Variants in CCDC85C observed in about 807,000 individuals in gnomAD.
CCDC85C encodes coiled-coil domain-containing protein 85C.
In CCDC85C, 18 loss-of-function variants were observed where a neutral mutation model predicts 38.3. The ratio of observed to expected loss-of-function variants is 0.47; its 90% confidence interval spans 0.33 to 0.70. The LOEUF (loss-of-function observed/expected upper bound fraction) is 0.70. Ranked by LOEUF, CCDC85C falls within the 30% of genes least tolerant of loss-of-function variation. The pLI is 0.03. For missense variants in CCDC85C, 566 were observed against 621.2 expected, an observed-to-expected ratio of 0.91 and a Z score of 0.94; for synonymous variants, 264 against 293.8, an observed-to-expected ratio of 0.90 and a Z score of 1.04.
In CCDC85C at chr14:99,514,986, G is replaced by A; in HGVS notation, c.*260C>T. 1 of 385,406 alleles carries A rather than the reference G, an allele frequency of 2.6e-6. No homozygotes were observed. Among genetic ancestry groups the A allele is most frequent in the Non-Finnish European group, 4.8e-6 (1 of 207,706 alleles). 23.9% of individuals were successfully genotyped at this position (385,406 alleles called of 1,614,324 possible). On this transcript the variant is annotated 3_prime_UTR_variant, in exon 6 of 6. Transcript: ENST00000380243. ...GGAGCCCAGGGCCCAGAGGGGGAAT[G>A]AGGCGTCCGGGCCGCTCTGCTGCAG...
intron 1 of CCDC85C, among the ~76,000 whole-genome samples, chr14:99,591,162 G>A (rs1196829974): frequency 5.3e-5 from 8 of 152,214 alleles, no homozygotes; most frequent in East Asian, 3.9e-4. Flanking sequence ...CCACCCCACC[G>A]TTTAAAAGCC....
rs551841020 is a variant in CCDC85C, at chr14:99,544,634, C to T, written c.794-8546G>A. ...CCCAGAGCAGAAATTCTCTTCGTGA[C>T]GCAAGGTGACTTTCAGGGCCCAGGC... On this transcript the variant is annotated intron_variant, in intron 1 of 5. Coordinates refer to ENST00000380243, the MANE Select transcript of CCDC85C (RefSeq NM_001144995.2). This position sits in a 1 kb window ranked among gnomAD's most constrained non-coding sequence, Gnocchi z 5.3. 1.3e-4 allele frequency among the ~76,000 whole-genome samples: 20 copies of T among 152,128 alleles called. No homozygotes were observed. Among genetic ancestry groups the T allele is most frequent in the African/African-American group, 2.4e-4 (10 of 41,426 alleles).
In CCDC85C at chr14:99,603,905, G is replaced by A; in HGVS notation, c.55C>T (p.Pro19Ser). ...CTCCAGCGCAGCAGCTCCTCGTCCGGCACCTGGCTCAGCTCCTCCGACGCC... is the reference window on the plus strand; with the variant it reads ...CTCCAGCGCAGCAGCTCCTCGTCCGACACCTGGCTCAGCTCCTCCGACGCC... ...AAASEELSQV[P>S]DEELLRWSKE... Residue 19 changes from proline to serine, a missense_variant, in exon 1 of 6, where the codon CCG becomes TCG. Pro to Ser is a moderately conservative substitution (Grantham distance 74). Coordinates refer to ENST00000380243, the MANE Select transcript of CCDC85C (RefSeq NM_001144995.2). The surrounding 1 kb of genome is among the most constrained non-coding windows in gnomAD (Gnocchi z 7.5). 3.4e-6 allele frequency: 5 copies of A among 1,484,400 alleles called. No homozygotes were observed. Among genetic ancestry groups the A allele is most frequent in the Non-Finnish European group, 4.5e-6 (5 of 1,122,198 alleles). The allele number at this position is 1,484,400 out of a possible 1,614,324, so 92.0% of individuals were successfully genotyped here. A position where few individuals can be genotyped will look rare whatever the true frequency, so the allele number is the denominator to read the frequency against.
At chr14:99,600,177 G>A (rs966986776) in intron 1 of CCDC85C, among the ~76,000 whole-genome samples, 1 of 152,246 alleles carries the variant, frequency 6.6e-6, no homozygotes, top group African/African-American at 2.4e-5. Context: ...TTTTGAAGAG[G>A]AAACTGAGGT....
chr14:99,573,961 T>G (rs1898414591), intron 1 of CCDC85C, among the ~76,000 whole-genome samples: 1 of 152,104 alleles, frequency 6.6e-6, no homozygotes, highest in Admixed American at 6.5e-5. Context: ...CATCAACTCG[T>G]CTCATCCTGG....
At chr14:99,591,877 G>C (rs1200612413) in intron 1 of CCDC85C, among the ~76,000 whole-genome samples, 1 of 151,940 alleles carries the variant, frequency 6.6e-6, no homozygotes. Context: ...TGGGATTACA[G>C]GCATGTACCA....
intron 2 of CCDC85C, among the ~76,000 whole-genome samples, chr14:99,527,945 G>A (rs907993521): frequency 7.2e-5 from 11 of 152,318 alleles, no homozygotes; most frequent in African/African-American, 1.9e-4. Context: ...CTCACACCAC[G>A]GAGAGCCCTC....
At chr14:99,583,742 A>C (rs1169905048) in intron 1 of CCDC85C, among the ~76,000 whole-genome samples, 1 of 148,082 alleles carries the variant, frequency 6.8e-6, no homozygotes, top group Non-Finnish European at 1.5e-5. Context: ...TGGGAGGCAG[A>C]GGTTGCAGTG....
intron 1 of CCDC85C, among the ~76,000 whole-genome samples, chr14:99,541,810 CCT>C (rs1897718517): frequency 6.6e-6 from 1 of 152,164 alleles, no homozygotes; most frequent in South Asian, 2.1e-4. Context: ...TATGGTTTAT[CCT>C]CTCTCCATAG....
intron 1 of CCDC85C, among the ~76,000 whole-genome samples, chr14:99,592,263 G>A (rs2055096136): frequency 6.6e-6 from 1 of 152,188 alleles, no homozygotes; most frequent in Admixed American, 6.5e-5. Context: ...ACCACTCGGG[G>A]TTAGAGCCAG....
At chr14:99,519,039 C>A (rs1897268321) in intron 3 of CCDC85C, among the ~76,000 whole-genome samples, 1 of 151,624 alleles carries the variant, frequency 6.6e-6, no homozygotes, top group African/African-American at 2.4e-5. Context: ...CAGATGGGCC[C>A]ACTGAGTCCT....
intron 1 of CCDC85C, among the ~76,000 whole-genome samples, chr14:99,594,565 T>A (rs750357124): frequency 6.6e-5 from 10 of 152,138 alleles, no homozygotes; most frequent in Non-Finnish European, 8.8e-5. Flanking sequence ...GGAAGAGAAT[T>A]CCCAGGAATA....
chr14:99,554,794 G>C (rs1006639432), intron 1 of CCDC85C, among the ~76,000 whole-genome samples: 2 of 152,226 alleles, frequency 1.3e-5, no homozygotes, highest in African/African-American at 4.8e-5. Context: ...CACAGTGAGT[G>C]GAGTAGAGTT....
rs185781107 is a variant in CCDC85C, at chr14:99,582,367, C to A, written c.793+20800G>T. Among the ~76,000 whole-genome samples, 3 of 152,222 alleles carry A rather than the reference C, an allele frequency of 2.0e-5. No individual in the cohort carries two copies. In the South Asian group the frequency reaches 6.3e-4, roughly 32 times the overall value. On this transcript the variant is annotated intron_variant, in intron 1 of 5. Transcript: ENST00000380243. ...GATGTGACAAGGTATTCTCCACCTG[C>A]GCATGTAAAAAGAGTTGGGATCAAA...
intron 1 of CCDC85C, chr14:99,579,994 A>G (rs535494225): frequency 0.067 from 30,221 of 452,932 alleles, 1,923 homozygotes; most frequent in African/African-American, 0.19. Flanking sequence ...GCGGACCACC[A>G]TGACAAACCC....
rs1361546979 is a variant in CCDC85C at position 99,501,017 on chromosome 14, A to G, written c.*14229T>C. The G allele has an allele frequency of 4.7e-6, 3 of 636,500 alleles. No homozygotes were observed. In the African/African-American group the frequency reaches 5.6e-5, roughly 12 times the overall value. The allele number at this position is 636,500 out of a possible 1,614,324, so 39.4% of individuals were successfully genotyped here. On this transcript the variant is annotated 3_prime_UTR_variant, in exon 6 of 6. Transcript: ENST00000380243. ...GCATGGCTTGCTCAGTCAATTCAGC[A>G]TTGCAGCTGCTAATGCTGTTTCCTT... is the stretch of plus-strand genomic sequence containing the variant.
chr14:99,501,014 A>T lies in CCDC85C; in HGVS notation c.*14232T>A. ...AGGGCATGGCTTGCTCAGTCAATTC[A>T]GCATTGCAGCTGCTAATGCTGTTTC... is the stretch of plus-strand genomic sequence containing the variant. On this transcript the variant is annotated 3_prime_UTR_variant, in exon 6 of 6. Coordinates refer to ENST00000380243, the MANE Select transcript of CCDC85C (RefSeq NM_001144995.2). The T allele has an allele frequency of 1.6e-6, 1 of 639,142 alleles. No homozygotes were observed. The highest frequency in any genetic ancestry group is 1.9e-5 in the South Asian group (1 of 53,202). The allele number at this position is 639,142 out of a possible 1,614,324, so 39.6% of individuals were successfully genotyped here. A position where few individuals can be genotyped will look rare whatever the true frequency, so the allele number is the denominator to read the frequency against.
chr14:99,554,082 G>A lies in CCDC85C; in HGVS notation c.794-17994C>T, dbSNP rs954097736. ...CAGTGTGGTCGGCTCCACTTGCTCT[G>A]TGAATCTGTCTACACTGCTTTCCTG... On this transcript the variant is annotated intron_variant, in intron 1 of 5. Coordinates refer to ENST00000380243, the MANE Select transcript of CCDC85C (RefSeq NM_001144995.2). Among the ~76,000 whole-genome samples, 22 of 152,244 alleles carry A rather than the reference G, an allele frequency of 1.4e-4. No individual in the cohort carries two copies. The East Asian group carries it at 3.3e-3, about 23-fold the overall frequency.
rs141416961 is a variant in CCDC85C, at chr14:99,535,965, T to G, written c.867+50A>C. On this transcript the variant is annotated intron_variant, in intron 2 of 5. Transcript: ENST00000380243. The surrounding 1 kb of genome is among the most constrained non-coding windows in gnomAD (Gnocchi z 5.5). ...GGGTGCCCTGGGTGAGCTGGAGGGG[T>G]GGGTGCTGGGTCGCGGTCCTCAAGG... 1.4e-6 allele frequency: 2 copies of G among 1,384,568 alleles called. No homozygotes were observed. Among genetic ancestry groups the G allele is most frequent in the African/African-American group, 1.4e-5 (1 of 69,656 alleles). 85.8% of individuals were successfully genotyped at this position (1,384,568 alleles called of 1,614,324 possible).
Sources: allele counts gnomAD v4.1 joint callset (sites outside exome capture counted in the v4.1 genomes callset), GRCh38; gene constraint gnomAD v4.1.1; non-coding constraint Gnocchi (gnomAD v3.1); transcripts MANE v1.5; gene names NCBI Gene and HGNC (gene_info 2026-07-23, HGNC 2026-07-21).